FARP1: variants seen among roughly 807,000 people sequenced by gnomAD.
FARP1 encodes FERM, ARH/RhoGEF and pleckstrin domain protein 1.
A neutral mutation model predicts 128.8 loss-of-function variants in FARP1; 52 were observed. The observed-to-expected ratio is 0.40, with a 90% CI of 0.32 to 0.51. The LOEUF (loss-of-function observed/expected upper bound fraction) is 0.51. Ranked by LOEUF, FARP1 falls within the 20% of genes least tolerant of loss-of-function variation. FARP1 has a pLI of 0.45. For synonymous variants in FARP1, 580 were observed against 551.8 expected, an observed-to-expected ratio of 1.05 and a Z score of -0.72; for missense variants, 1,333 against 1,367.9, an observed-to-expected ratio of 0.97 and a Z score of 0.40.
intron 2 of FARP1, among the ~76,000 whole-genome samples, chr13:98,265,756 A>T (rs1248696753): frequency 6.6e-6 from 1 of 152,184 alleles, no homozygotes. Flanking sequence ...TTTAATTTCT[A>T]CTTGCAACAA....
Position 98,385,764 on chromosome 13 carries a change from G to T in FARP1, c.709G>T (p.Gly237Cys), listed in dbSNP as rs1890071152. Residue 237 changes from glycine to cysteine, a missense_variant, in exon 8 of 27, where the codon GGC becomes TGC. Transcript: ENST00000319562. ...IRLHPAKDRE[G>C]TKINLAVANT... ...GTTGCACCCGGCCAAGGACAGGGAA[G>T]GCACGAAGATCAATCTGGCCGTTGC... 1 of 1,614,216 alleles carries T rather than the reference G, an allele frequency of 6.2e-7. No individual in the cohort carries two copies. The highest frequency in any genetic ancestry group is 8.5e-7 in the Non-Finnish European group (1 of 1,180,044).
rs1472717836 is a variant in FARP1 at position 98,214,043 on chromosome 13, C to G, written c.171+630C>G. ...CACCGCAGGGCCCTGGACAGAGCAG[C>G]CTGGGGGCCGGAGGTGTCACAGGAG... On this transcript the variant is annotated intron_variant, in intron 2 of 26. Transcript: ENST00000319562. Among the ~76,000 whole-genome samples the G allele has an allele frequency of 3.3e-5, 5 of 152,272 alleles. 1 individual carries two copies. The South Asian group carries it at 1.0e-3, about 32-fold the overall frequency.
chr13:98,326,450 C>T (rs979248558), intron 2 of FARP1, among the ~76,000 whole-genome samples: 1 of 152,220 alleles, frequency 6.6e-6, no homozygotes, highest in South Asian at 2.1e-4. Flanking sequence ...TATTCCCACT[C>T]AACAACTTCC....
At chr13:98,371,211 GCCC>G (rs1298402513) in intron 5 of FARP1, among the ~76,000 whole-genome samples, 1 of 114,224 alleles carries the variant, frequency 8.8e-6, no homozygotes, top group Non-Finnish European at 1.8e-5. Flanking sequence ...CCTCACCCCC[GCCC>G]CCCGTTTTTT....
chr13:98,431,154 G>T lies in FARP1; in HGVS notation c.2017G>T (p.Val673Leu), dbSNP rs766043865. Residue 673 changes from valine (V) to leucine (L), a missense_variant, in exon 18 of 27, where the codon GTG (valine) becomes TTG (leucine). By Grantham distance (32) the Val-to-Leu change is conservative. This residue lies in a region of FARP1 where 1,009 missense variants were observed against 969.8 expected (regional missense o/e 1.04). Coordinates refer to ENST00000319562, the MANE Select transcript of FARP1 (RefSeq NM_005766.4). ...NFCRDFELQK[V>L]CYLPLNTFLL... is the part of the protein sequence containing the mutation. ...CTGCAGAGACTTTGAGCTGCAGAAG[G>T]TGTGTTACCTACCGCTCAACACCTT... 1 of 1,614,046 alleles carries T rather than the reference G, an allele frequency of 6.2e-7. No individual in the cohort carries two copies. Among genetic ancestry groups the T allele is most frequent in the Non-Finnish European group, 8.5e-7 (1 of 1,179,934 alleles).
chr13:98,258,247 A>G (rs1228562052), intron 2 of FARP1, among the ~76,000 whole-genome samples: 2 of 152,312 alleles, frequency 1.3e-5, no homozygotes, highest in South Asian at 4.1e-4. Flanking sequence ...GATTACAGGC[A>G]TGAGCAACCA....
chr13:98,253,448 C>T (rs1188485738), intron 2 of FARP1, among the ~76,000 whole-genome samples: 2 of 152,130 alleles, frequency 1.3e-5, no homozygotes, highest in East Asian at 3.9e-4. Context: ...AACTGAGACT[C>T]AGATCAAAGA....
intron 24 of FARP1, among the ~76,000 whole-genome samples, chr13:98,444,661 C>A (rs928888983): frequency 6.6e-6 from 1 of 152,154 alleles, no homozygotes; most frequent in African/African-American, 2.4e-5. Context: ...AAAGAGGTTT[C>A]CAGAGGCTAT....
intron 5 of FARP1, among the ~76,000 whole-genome samples, chr13:98,375,606 A>G (rs2140001876): frequency 6.6e-6 from 1 of 152,012 alleles, no homozygotes; most frequent in East Asian, 1.9e-4. Context: ...TCCAACAGGT[A>G]ATTGTTTTTT....
chr13:98,210,073 A>G (rs1205161958), intron 1 of FARP1, among the ~76,000 whole-genome samples: 1 of 152,164 alleles, frequency 6.6e-6, no homozygotes, highest in Admixed American at 6.5e-5. Context: ...CAATGTATAG[A>G]ATGGTAGAAT....
chr13:98,284,260 C>A (rs1885066344), intron 2 of FARP1, among the ~76,000 whole-genome samples: 1 of 152,070 alleles, frequency 6.6e-6, no homozygotes, highest in African/African-American at 2.4e-5. Context: ...TCCTCTTCTT[C>A]CAGTGTGGCC....
intron 17 of FARP1, among the ~76,000 whole-genome samples, chr13:98,427,498 G>A (rs1023630929): frequency 1.3e-5 from 2 of 152,188 alleles, no homozygotes; most frequent in African/African-American, 2.4e-5. Flanking sequence ...TTGGACTCTG[G>A]TGTGGGCCTT....
rs1179455449 is a variant in FARP1 at position 98,450,416 on chromosome 13, A to G, written c.*2099A>G. On this transcript the variant is annotated 3_prime_UTR_variant, in exon 27 of 27. Transcript: ENST00000319562. ...CATACAGAACCAAACCAGCCACTTC[A>G]CAAGAGCAATGCAGGGATAAAACTA... 6.6e-6 allele frequency: 1 copy of G among 151,968 alleles called. No individual in the cohort carries two copies. Among genetic ancestry groups the G allele is most frequent in the East Asian group, 1.9e-4 (1 of 5,204 alleles). 9.4% of individuals were successfully genotyped at this position (151,968 alleles called of 1,614,324 possible). A position where few individuals can be genotyped will look rare whatever the true frequency, so the allele number is the denominator to read the frequency against.
intron 10 of FARP1, among the ~76,000 whole-genome samples, chr13:98,390,339 G>A (rs986131461): frequency 1.3e-5 from 2 of 152,244 alleles, no homozygotes; most frequent in Non-Finnish European, 2.9e-5. Flanking sequence ...CCTAGCGGGA[G>A]TCTCTAACTC....
chr13:98,410,960 G>T, intron 15 of FARP1, 137 bp downstream of exon 15: 1 of 497,802 alleles, frequency 2.0e-6, no homozygotes, highest in South Asian at 4.1e-5. Flanking sequence ...CTAGGGTATA[G>T]AAATTAAATG....
intron 1 of FARP1, among the ~76,000 whole-genome samples, chr13:98,172,723 T>G (rs76436236): frequency 1.5e-3 from 228 of 152,342 alleles, no homozygotes; most frequent in African/African-American, 5.2e-3. Context: ...TCTGCATTTC[T>G]TAGTACAGGA....
Position 98,410,729 on chromosome 13 carries a change from T to G in FARP1, c.1603-5T>G, listed in dbSNP as rs1335782943. On this transcript the variant is annotated splice_polypyrimidine_tract_variant and splice_region_variant and intron_variant, in intron 14 of 26. Coordinates refer to ENST00000319562, the MANE Select transcript of FARP1 (RefSeq NM_005766.4). ...GCGCTTTGTTTCTTTTGCTGGGTTT[T>G]GCAGAGATTCCCAACTGATAAAGCG... is the stretch of plus-strand genomic sequence containing the variant. 1.9e-6 allele frequency: 3 copies of G among 1,559,594 alleles called. No homozygotes were observed. The African/African-American group carries it at 4.1e-5, about 21-fold the overall frequency.
At position 98,435,306 on chromosome 13, in the gene FARP1, C is replaced by G. The variant is rs571239729; in HGVS notation, c.2144-270C>G. ...TCCCCCGTGTCTTTCCCCTCTAAGC[C>G]AACAGGTCCGTCTAATTGAAGGACA... On this transcript the variant is annotated intron_variant, in intron 18 of 26. Coordinates refer to ENST00000319562, the MANE Select transcript of FARP1 (RefSeq NM_005766.4). The G allele has an allele frequency of 1.9e-5, 5 of 267,782 alleles. No individual in the cohort carries two copies. The East Asian group carries it at 3.9e-4, about 21-fold the overall frequency. 16.6% of individuals were successfully genotyped at this position (267,782 alleles called of 1,614,324 possible).
intron 1 of FARP1, among the ~76,000 whole-genome samples, chr13:98,152,867 A>C (rs927342405): frequency 3.3e-5 from 5 of 152,158 alleles, no homozygotes; most frequent in Admixed American, 1.3e-4. Context: ...CTGAGTCTAC[A>C]TGAATTTCGC....
Sources: allele counts gnomAD v4.1 joint callset (sites outside exome capture counted in the v4.1 genomes callset), GRCh38; gene constraint gnomAD v4.1.1; regional missense constraint gnomAD v4.1.1; transcripts MANE v1.5; gene names NCBI Gene and HGNC (gene_info 2026-07-23, HGNC 2026-07-21).